The following NXPE3 variants were observed in gnomAD, a reference collection of about 807,000 sequenced individuals.
NXPE3 encodes the protein neurexophilin and PC-esterase domain family member 3, also known as NXPE family member 3.
A neutral mutation model predicts 46.1 loss-of-function variants in NXPE3; 26 were observed. That is an observed-to-expected ratio of 0.56 (90% CI 0.41 to 0.78). NXPE3 has a LOEUF of 0.78. Ranked by LOEUF, NXPE3 falls within the 30% of genes least tolerant of loss-of-function variation. NXPE3 has a pLI of 0.00. For synonymous variants in NXPE3, 272 were observed against 257.9 expected (o/e 1.05, Z -0.52); for missense variants, 620 against 686.0 (o/e 0.90, Z 1.07).
At chr3:101,794,582 C>T (rs984760221) in intron 4 of NXPE3, among the ~76,000 whole-genome samples, 20 of 152,090 alleles carry the variant, frequency 1.3e-4, no homozygotes, top group African/African-American at 4.6e-4. Flanking sequence ...AATTTCAAGA[C>T]CTTAAGTGTG....
At position 101,801,520 on chromosome 3, in the gene NXPE3, G is replaced by C. The variant is rs779401915; in HGVS notation, c.379G>C (p.Val127Leu). Reference sequence around the variant, plus strand: ...GGTGGGAAGCCAGCTTGAGGTGCTGGTTCATGTGCAGGATTTTCAAAGAAA... The same window carrying C: ...GGTGGGAAGCCAGCTTGAGGTGCTGCTTCATGTGCAGGATTTTCAAAGAAA... ...FKVGSQLEVL[V>L]HVQDFQRKPK... Residue 127 changes from valine (V) to leucine (L), a missense_variant, in exon 5 of 8, where the codon GTT becomes CTT. By Grantham distance (32) the Val-to-Leu change is conservative. Coordinates refer to ENST00000273347, the MANE Select transcript of NXPE3 (RefSeq NM_145037.4). 6.2e-7 allele frequency: 1 copy of C among 1,614,156 alleles called. No individual in the cohort carries two copies. Among genetic ancestry groups the C allele is most frequent in the Admixed American group, 1.7e-5 (1 of 60,012 alleles).
Position 101,823,115 on chromosome 3 carries a change from G to A in NXPE3, c.*1161G>A, listed in dbSNP as rs746846243. On this transcript the variant is annotated 3_prime_UTR_variant, in exon 8 of 8. Transcript: ENST00000273347. ...AGTTTAATTTGGGATCATTTAGTAA[G>A]TACTCTTTTCTTTTTGAGCTGTGAT... 6.6e-6 allele frequency: 1 copy of A among 152,048 alleles called. No homozygotes were observed. The highest frequency in any genetic ancestry group is 2.4e-5 in the African/African-American group (1 of 41,384). 9.4% of individuals were successfully genotyped at this position (152,048 alleles called of 1,614,324 possible).
intron 4 of NXPE3, among the ~76,000 whole-genome samples, chr3:101,791,383 GTTAT>G (rs1940509688): frequency 6.6e-6 from 1 of 152,028 alleles, no homozygotes; most frequent in Admixed American, 6.6e-5. Flanking sequence ...TATCCAGTCT[GTTAT>G]TTATTTATTT....
At chr3:101,793,627 C>CTTT in intron 4 of NXPE3, among the ~76,000 whole-genome samples, 34 of 19,420 alleles carry the variant, frequency 1.8e-3, no homozygotes, top group Non-Finnish European at 2.4e-3. Context: ...TTGACAAGGT[C>CTTT]TTTTTTTTTT....
chr3:101,803,982 G>T (rs1941292708), intron 5 of NXPE3, among the ~76,000 whole-genome samples: 1 of 152,090 alleles, frequency 6.6e-6, no homozygotes, highest in Admixed American at 6.5e-5. Flanking sequence ...TATTTTTGAG[G>T]TAGATGTGAT....
intron 6 of NXPE3, among the ~76,000 whole-genome samples, chr3:101,814,981 A>T (rs1473793710): frequency 6.6e-6 from 1 of 152,146 alleles, no homozygotes; most frequent in East Asian, 1.9e-4. Context: ...TAGTGATAGG[A>T]CCTACTTCAA....
chr3:101,783,492 C>T (rs1014729378), intron 3 of NXPE3, among the ~76,000 whole-genome samples: 3 of 152,192 alleles, frequency 2.0e-5, no homozygotes, highest in African/African-American at 7.2e-5. Context: ...TGGCACAATC[C>T]TCCTAAATTA....
Position 101,816,893 on chromosome 3 carries a change from T to C in NXPE3, c.1021T>C (p.Phe341Leu). 1 of 1,613,900 alleles carries C rather than the reference T, an allele frequency of 6.2e-7. No homozygotes were observed. The highest frequency in any genetic ancestry group is 8.5e-7 in the Non-Finnish European group (1 of 1,179,788). ...GCCCAGAAAGTTTAAGATGCGTCAG[T>C]TTAATGACCCTGACAACATTACAGA... ...WRPRKFKMRQFNDPDNITECL... is the reference protein window; with the variant it reads ...WRPRKFKMRQLNDPDNITECL... Residue 341 changes from phenylalanine (F) to leucine (L), a missense_variant, in exon 7 of 8, where the codon TTT becomes CTT. Around this residue, in one of 3 missense-constraint regions of NXPE3, gnomAD observed 511 missense variants for 528.6 expected, o/e 0.97. Coordinates refer to ENST00000273347, the MANE Select transcript of NXPE3 (RefSeq NM_145037.4).
Position 101,825,102 on chromosome 3 carries a change from G to A in NXPE3, c.*3148G>A, listed in dbSNP as rs1195058976. 6.6e-6 allele frequency: 1 copy of A among 152,072 alleles called. No homozygotes were observed. Among genetic ancestry groups the A allele is most frequent in the Non-Finnish European group, 1.5e-5 (1 of 68,010 alleles). 9.4% of individuals were successfully genotyped at this position (152,072 alleles called of 1,614,324 possible). The stretch of plus-strand genomic sequence containing the variant: ...GTTGTATAGATGATTTCATCACCCA[G>A]GTGTTAAGCCTAGTACCCATTAGTA... On this transcript the variant is annotated 3_prime_UTR_variant, in exon 8 of 8. Coordinates refer to ENST00000273347, the MANE Select transcript of NXPE3 (RefSeq NM_145037.4).
chr3:101,807,203 T>C, intron 6 of NXPE3, 77 bp downstream of exon 6: 1 of 1,051,130 alleles, frequency 9.5e-7, no homozygotes, highest in Non-Finnish European at 1.5e-6. Flanking sequence ...TCATTTATGT[T>C]GCAAAAACTT....
intron 6 of NXPE3, among the ~76,000 whole-genome samples, chr3:101,809,743 A>G (rs893435519): frequency 5.9e-5 from 9 of 152,120 alleles, no homozygotes; most frequent in African/African-American, 1.7e-4. Context: ...TTTTTGCTCA[A>G]ATTGTTCCAG....
chr3:101,793,964 C>T (rs1308429944), intron 4 of NXPE3, among the ~76,000 whole-genome samples: 2 of 152,214 alleles, frequency 1.3e-5, no homozygotes, highest in Middle Eastern at 3.4e-3. Flanking sequence ...GCTCCTCTTC[C>T]TGTGCTGCAG....
At chr3:101,818,207 A>G (rs1234812989) in intron 7 of NXPE3, among the ~76,000 whole-genome samples, 1 of 152,146 alleles carries the variant, frequency 6.6e-6, no homozygotes, top group Non-Finnish European at 1.5e-5. Flanking sequence ...TAATTTTTAG[A>G]AGGAAAGGGG....
intron 6 of NXPE3, among the ~76,000 whole-genome samples, chr3:101,816,472 C>G (rs1941976184): frequency 6.6e-6 from 1 of 151,936 alleles, no homozygotes; most frequent in South Asian, 2.1e-4. Flanking sequence ...CTCCCTGTGT[C>G]CATGTGTTCT....
At chr3:101,807,504 T>C (rs904530548) in intron 6 of NXPE3, among the ~76,000 whole-genome samples, 3 of 151,876 alleles carry the variant, frequency 2.0e-5, no homozygotes, top group Non-Finnish European at 2.9e-5. Context: ...ATTTTTTTTT[T>C]GCAGAGACAA....
chr3:101,779,708 C>T (rs1410770046), intron 1 of NXPE3: 2 of 152,496 alleles, frequency 1.3e-5, no homozygotes, highest in Non-Finnish European at 2.9e-5. Context: ...ACCTCCACGC[C>T]GCAGCGAAAG....
At chr3:101,790,992 G>T (rs984592388) in intron 4 of NXPE3, among the ~76,000 whole-genome samples, 2 of 152,106 alleles carry the variant, frequency 1.3e-5, no homozygotes, top group Admixed American at 6.6e-5. Flanking sequence ...TACATGTAAA[G>T]GTTTGTTACA....
intron 6 of NXPE3, among the ~76,000 whole-genome samples, chr3:101,812,551 T>C (rs1941760569): frequency 6.6e-6 from 1 of 151,984 alleles, no homozygotes; most frequent in African/African-American, 2.4e-5. Flanking sequence ...CAGTGGCTCA[T>C]GCCTGTAATC....
At chr3:101,783,275 A>G (rs975986356) in intron 3 of NXPE3, among the ~76,000 whole-genome samples, 1 of 151,966 alleles carries the variant, frequency 6.6e-6, no homozygotes. Context: ...GTTAGCCAGG[A>G]TGGTCCCGAT....
Sources: allele counts gnomAD v4.1 joint callset (sites outside exome capture counted in the v4.1 genomes callset), GRCh38; gene constraint gnomAD v4.1.1; regional missense constraint gnomAD v4.1.1; transcripts MANE v1.5; gene names NCBI Gene and HGNC (gene_info 2026-07-23, HGNC 2026-07-21).